DNMT1: variants seen among roughly 807,000 people sequenced by gnomAD.
The protein encoded by DNMT1 is DNA methyltransferase 1.
A neutral mutation model predicts 205.3 loss-of-function variants in DNMT1; 24 were observed. The observed-to-expected ratio is 0.12, with a 90% CI of 0.08 to 0.16. The LOEUF (loss-of-function observed/expected upper bound fraction) is 0.16, where lower values mean the gene tolerates loss of function less well. Among genes scored for constraint, DNMT1 ranks in the 10% least tolerant of loss-of-function variants. DNMT1 has a pLI of 1.00. For missense variants in DNMT1, 1,293 were observed against 2,177.7 expected (o/e 0.59, Z 8.09); for synonymous variants, 817 against 839.8 (o/e 0.97, Z 0.47).
intron 39 of DNMT1, among the ~76,000 whole-genome samples, chr19:10,135,208 A>T (rs2089449894): frequency 9.1e-6 from 1 of 109,738 alleles, no homozygotes; most frequent in Non-Finnish European, 1.9e-5. Context: ...ACAAAGCTCC[A>T]TCTCAAAAAA....
chr19:10,160,156 T>C, intron 14 of DNMT1, 93 bp from the exon 15 acceptor site: 1 of 1,595,822 alleles, frequency 6.3e-7, no homozygotes, highest in Non-Finnish European at 8.5e-7. Flanking sequence ...GAGGTGCCTG[T>C]GGCACAGGGA....
rs147365451 is a variant in DNMT1 at position 10,155,610 on chromosome 19, T to G, written c.1492+243A>C. ...CCCCCAACTCGGCCTCCCAAAGTGC[T>G]GGGATTACAGGTGTGAGCCACCATA... On this transcript the variant is annotated intron_variant, in intron 19 of 40. Transcript: ENST00000359526. 9.4e-3 allele frequency among the ~76,000 whole-genome samples: 1,428 copies of G among 152,252 alleles called. 11 individuals are homozygous for G. Among genetic ancestry groups the G allele is most frequent in the Non-Finnish European group, 0.016 (1,109 of 68,006 alleles).
intron 29 of DNMT1, among the ~76,000 whole-genome samples, chr19:10,142,456 C>CCCCCCTAGTTAGGGAA (rs1568225110): frequency 6.6e-6 from 1 of 150,688 alleles, no homozygotes; most frequent in Non-Finnish European, 1.5e-5. Context: ...GGGTAAAGAC[C>CCCCCCTAGTTAGGGAA]CCCCCTAGTT....
intron 27 of DNMT1, 57 bp downstream of exon 27, chr19:10,148,827 A>G (rs1246766031): frequency 9.9e-6 from 16 of 1,612,468 alleles, no homozygotes; most frequent in Non-Finnish European, 1.7e-6. Context: ...ACACGGGAAA[A>G]GGGAGTGATG....
intron 39 of DNMT1, 76 bp from the exon 40 acceptor site, chr19:10,134,383 C>T (rs949038348): frequency 2.1e-5 from 29 of 1,401,766 alleles, no homozygotes; most frequent in South Asian, 3.6e-5. Flanking sequence ...ACTGCCAGCC[C>T]CTGCTCAGAT....
intron 1 of DNMT1, among the ~76,000 whole-genome samples, chr19:10,186,340 G>A (rs1229795128): frequency 6.6e-6 from 1 of 152,098 alleles, no homozygotes; most frequent in Non-Finnish European, 1.5e-5. Flanking sequence ...AGGAGCTGGC[G>A]GGAGGGTAAC....
chr19:10,146,433 G>C lies in DNMT1; in HGVS notation c.2812C>G (p.Leu938Val), dbSNP rs770079133. The C allele has an allele frequency of 2.5e-6, 4 of 1,614,006 alleles. No individual in the cohort carries two copies. ...EQLEDLDSRV[L>V]YYSATKNGIL... ...CCGTTCTTGGTGGCTGAGTAGTAGA[G>C]GACCCGGCTATCCAGGTCCTCGAGC... The change falls in exon 28 of 41, where the codon CTC becomes GTC. Residue 938 changes from leucine to valine, a missense_variant. By Grantham distance (32) the Leu-to-Val change is conservative. Transcript: ENST00000359526. This position sits in a 1 kb window ranked among gnomAD's most constrained non-coding sequence, Gnocchi z 4.4.
Position 10,158,583 on chromosome 19 carries a change from C to T in DNMT1, c.1280+1075G>A, listed in dbSNP as rs541448255. Among the ~76,000 whole-genome samples the T allele has an allele frequency of 1.1e-3, 161 of 152,302 alleles. 3 individuals are homozygous for T. Among genetic ancestry groups the T allele is most frequent in the African/African-American group, 3.7e-3 (153 of 41,558 alleles). On this transcript the variant is annotated intron_variant, in intron 17 of 40. Coordinates refer to ENST00000359526, the MANE Select transcript of DNMT1 (RefSeq NM_001130823.3). ...TGAAGCCCTGGAGGGTAACTGCACC[C>T]GCAGGGAGAGGGAGCAAAATGGGGC...
chr19:10,176,357 G>T (rs193020991), intron 6 of DNMT1, among the ~76,000 whole-genome samples: 1 of 152,116 alleles, frequency 6.6e-6, no homozygotes, highest in Non-Finnish European at 1.5e-5. Context: ...AGAGATGAAG[G>T]AATTTAAAAT....
At position 10,151,531 on chromosome 19, in the gene DNMT1, G is replaced by C; in HGVS notation, c.2132C>G (p.Ala711Gly). 6.2e-7 allele frequency: 1 copy of C among 1,613,594 alleles called. No individual in the cohort carries two copies. The highest frequency in any genetic ancestry group is 2.2e-5 in the East Asian group (1 of 44,884). The change falls in exon 24 of 41, where the codon GCC (alanine) becomes GGC (glycine). Residue 711 changes from alanine to glycine, a missense_variant. Coordinates refer to ENST00000359526, the MANE Select transcript of DNMT1 (RefSeq NM_001130823.3). This position sits in a 1 kb window ranked among gnomAD's most constrained non-coding sequence, Gnocchi z 5.0. ...ACQERRCPNM[A>G]MKEADDDEEV... ...CTCATCGTCATCTGCCTCCTTCATG[G>C]CCATATTGGGACACCTGCAATGTCA...
At chr19:10,192,757 T>C (rs377576678) in intron 1 of DNMT1, among the ~76,000 whole-genome samples, 1 of 152,126 alleles carries the variant, frequency 6.6e-6, no homozygotes, top group Admixed American at 6.6e-5. Flanking sequence ...CAAGAAGATA[T>C]ATACCCACTA....
At chr19:10,163,223 T>C in intron 12 of DNMT1, 103 bp downstream of exon 12, 1 of 1,343,008 alleles carries the variant, frequency 7.4e-7, no homozygotes, top group South Asian at 1.2e-5. Context: ...CACCTCAGCC[T>C]CCCAAAGTGC....
At chr19:10,160,111 A>G in intron 14 of DNMT1, 48 bp from the exon 15 acceptor site, 1 of 1,607,596 alleles carries the variant, frequency 6.2e-7, no homozygotes, top group Non-Finnish European at 8.5e-7. Context: ...ATTGTTTCAG[A>G]AAATATCAAA....
At chr19:10,141,876 G>C in intron 30 of DNMT1, 152 bp downstream of exon 30, 1 of 852,332 alleles carries the variant, frequency 1.2e-6, no homozygotes, top group Non-Finnish European at 1.8e-6. Context: ...CCCCCGTAAA[G>C]CTCCTGCAGA....
chr19:10,182,197 G>GA (rs2039060061), intron 1 of DNMT1, 120 bp from the exon 2 acceptor site: 1 of 1,036,478 alleles, frequency 9.6e-7, no homozygotes, highest in Non-Finnish European at 1.5e-6. Flanking sequence ...ATGAGTGTTA[G>GA]AAAAAACTAA....
intron 1 of DNMT1, among the ~76,000 whole-genome samples, chr19:10,182,997 G>A (rs1360826010): frequency 1.6e-4 from 23 of 147,610 alleles, no homozygotes; most frequent in Middle Eastern, 3.8e-3. Context: ...ATATATACAC[G>A]TATATGTGTG....
In DNMT1 at chr19:10,180,575, G is replaced by A. The variant is rs2039027984; in HGVS notation, c.226-6C>T. ...ACTTTAGCCAGGTAGCCCTCCTACA[G>A]CAGGAAAGGATAATTTAAGTAGCAG... On this transcript the variant is annotated splice_region_variant and splice_polypyrimidine_tract_variant and intron_variant, in intron 3 of 40. Coordinates refer to ENST00000359526, the MANE Select transcript of DNMT1 (RefSeq NM_001130823.3). 1 of 1,613,782 alleles carries A rather than the reference G, an allele frequency of 6.2e-7. No individual in the cohort carries two copies. Among genetic ancestry groups the A allele is most frequent in the Middle Eastern group, 1.6e-4 (1 of 6,062 alleles).
intron 1 of DNMT1, among the ~76,000 whole-genome samples, chr19:10,194,092 G>A (rs2145415592): frequency 1.3e-5 from 2 of 152,314 alleles, no homozygotes; most frequent in East Asian, 1.9e-4. Context: ...GATGCCCACG[G>A]CTCACAGGCA....
In DNMT1 at chr19:10,137,048, C is replaced by G; in HGVS notation, c.4489+37G>C. On this transcript the variant is annotated intron_variant, in intron 37 of 40. Coordinates refer to ENST00000359526, the MANE Select transcript of DNMT1 (RefSeq NM_001130823.3). The surrounding 1 kb of genome is among the most constrained non-coding windows in gnomAD (Gnocchi z 6.4). ...AGGCCCAGGGCTCTGCCTTCCTTCC[C>G]CTCAGCCCACCGGGAACCACAACTT... 1 of 1,598,656 alleles carries G rather than the reference C, an allele frequency of 6.3e-7. No homozygotes were observed. The highest frequency in any genetic ancestry group is 8.5e-7 in the Non-Finnish European group (1 of 1,173,224).
Sources: gnomAD v4.1 joint callset for allele counts (sites outside exome capture counted in the v4.1 genomes callset) on GRCh38, gnomAD v4.1.1 for gene constraint, Gnocchi (gnomAD v3.1) non-coding constraint, MANE v1.5 for transcripts, NCBI Gene and HGNC (gene_info 2026-07-23, HGNC 2026-07-21) for gene names.